DGKB: variants seen among roughly 807,000 people sequenced by gnomAD.
DGKB encodes the protein 90 kDa diacylglycerol kinase.
A neutral mutation model predicts 114.3 loss-of-function variants in DGKB; 67 were observed. The ratio of observed to expected loss-of-function variants is 0.59; its 90% CI spans 0.48 to 0.72. The LOEUF is 0.72. DGKB is among the 30% of genes least tolerant of loss of function. The probability of loss-of-function intolerance (pLI) is 0.00; values close to 1 mark genes in which losing one functional copy is unlikely to be tolerated. For missense variants in DGKB, 907 were observed against 975.2 expected, an observed-to-expected ratio of 0.93 and a Z score of 0.93; for synonymous variants, 398 against 323.1, an observed-to-expected ratio of 1.23 and a Z score of -2.49.
chr7:14,504,313 G>C (rs1039069208), intron 20 of DGKB, among the ~76,000 whole-genome samples: 3 of 152,110 alleles, frequency 2.0e-5, no homozygotes, highest in Non-Finnish European at 2.9e-5. Context: ...CAGCTGGCTT[G>C]GCTGTGCGCC....
chr7:14,609,790 T>C (rs1239640950), intron 16 of DGKB, among the ~76,000 whole-genome samples: 1 of 151,916 alleles, frequency 6.6e-6, no homozygotes, highest in African/African-American at 2.4e-5. Flanking sequence ...TCACTAATAA[T>C]CATGGAAATG....
At chr7:14,707,569 T>TAAA (rs764079621) in intron 6 of DGKB, among the ~76,000 whole-genome samples, 2,508 of 92,348 alleles carry the variant, frequency 0.027, 176 homozygotes, top group Middle Eastern at 0.073. Flanking sequence ...AAATCCTCAA[T>TAAA]AAAATACTGG....
intron 1 of DGKB, among the ~76,000 whole-genome samples, chr7:14,926,858 A>G (rs1203973801): frequency 1.3e-5 from 2 of 151,948 alleles, no homozygotes; most frequent in East Asian, 1.9e-4. Flanking sequence ...AAAATTTACC[A>G]TGGAAATCCT....
At chr7:14,910,326 T>C (rs1783938691) in intron 1 of DGKB, among the ~76,000 whole-genome samples, 1 of 149,148 alleles carries the variant, frequency 6.7e-6, no homozygotes, top group South Asian at 2.2e-4. Flanking sequence ...ACCTTATATA[T>C]TAGGAGAAGG....
At chr7:14,548,602 T>G (rs577410104) in intron 20 of DGKB, among the ~76,000 whole-genome samples, 1 of 152,120 alleles carries the variant, frequency 6.6e-6, no homozygotes, top group Non-Finnish European at 1.5e-5. Flanking sequence ...AAAAGCATCT[T>G]AGAAACTACA....
chr7:14,585,011 G>A (rs111561902), intron 17 of DGKB, among the ~76,000 whole-genome samples: 3,816 of 151,856 alleles, frequency 0.025, 174 homozygotes, highest in African/African-American at 0.088. Context: ...AGCAATCTTC[G>A]CATTTAAATT....
chr7:14,929,753 T>C (rs1213167130), intron 1 of DGKB, among the ~76,000 whole-genome samples: 1 of 152,186 alleles, frequency 6.6e-6, no homozygotes, highest in African/African-American at 2.4e-5. Context: ...ATTTTTGTTG[T>C]TGTTGCCTAT....
At chr7:14,974,735 C>A (rs1223278229) in exon 1 of DGKB, 1 of 152,118 alleles carries the variant, frequency 6.6e-6, no homozygotes, top group Non-Finnish European at 1.5e-5. Context: ...CTTCATCCAA[C>A]TGTGATTCAA....
In DGKB at chr7:14,198,870, C is replaced by T. The variant is rs186542039; in HGVS notation, c.2123-20719G>A. 2.8e-4 allele frequency among the ~76,000 whole-genome samples: 43 copies of T among 152,002 alleles called. No homozygotes were observed. In the East Asian group the frequency reaches 5.8e-3, roughly 21 times the overall value. On this transcript the variant is annotated intron_variant, in intron 23 of 25. Transcript: ENST00000402815. ...ATAGGGGGAACCTGGAAGGACAGGG[C>T]GAACTGTGCAGAAATATTTAAATAA...
chr7:14,767,502 A>G (rs1258562336), intron 2 of DGKB, among the ~76,000 whole-genome samples: 1 of 151,940 alleles, frequency 6.6e-6, no homozygotes, highest in South Asian at 2.1e-4. Context: ...CATCTGTGCC[A>G]TCAGGCTTAA....
intron 1 of DGKB, among the ~76,000 whole-genome samples, chr7:14,890,427 C>T (rs1202136986): frequency 6.6e-6 from 1 of 151,314 alleles, no homozygotes; most frequent in African/African-American, 2.4e-5. Context: ...TCTAACATGC[C>T]TTCGCTTATC....
Position 14,685,323 on chromosome 7 carries a change from G to A in DGKB, c.751C>T (p.His251Tyr), listed in dbSNP as rs1821494465. The A allele has an allele frequency of 6.2e-7, 1 of 1,613,710 alleles. No homozygotes were observed. The highest frequency in any genetic ancestry group is 1.3e-5 in the African/African-American group (1 of 74,916). ...DDGQHVWRLK[H>Y]FNKPAYCNLC... ...TTGCAATAGGCAGGTTTGTTAAAGT[G>A]CTTCAGTCGCCACACGTGCTGTCCA... Residue 251 changes from histidine (H) to tyrosine (Y), a missense_variant, in exon 10 of 26, where the codon CAC becomes TAC. By Grantham distance (83) the His-to-Tyr change is moderately conservative. Around this residue, in one of 3 missense-constraint regions of DGKB, gnomAD observed 814 missense variants for 856.6 expected, o/e 0.95. Coordinates refer to ENST00000402815, the MANE Select transcript of DGKB (RefSeq NM_001350709.2).
At chr7:14,328,637 A>G (rs1458768025) in intron 23 of DGKB, among the ~76,000 whole-genome samples, 2 of 152,066 alleles carry the variant, frequency 1.3e-5, no homozygotes, top group Non-Finnish European at 2.9e-5. Flanking sequence ...TAATGGGAAC[A>G]GCTTTGTAAA....
intron 20 of DGKB, among the ~76,000 whole-genome samples, chr7:14,515,226 A>G (rs1157954959): frequency 6.6e-6 from 1 of 152,198 alleles, no homozygotes; most frequent in Non-Finnish European, 1.5e-5. Context: ...TGACATCAAT[A>G]TATTATTTCA....
At chr7:14,389,834 G>T (rs987772576) in intron 21 of DGKB, among the ~76,000 whole-genome samples, 3 of 152,084 alleles carry the variant, frequency 2.0e-5, no homozygotes, top group Non-Finnish European at 4.4e-5. Flanking sequence ...AACTCCTTTG[G>T]GACTAGCCTA....
At chr7:14,369,383 G>A (rs1391107200) in intron 21 of DGKB, among the ~76,000 whole-genome samples, 1 of 152,102 alleles carries the variant, frequency 6.6e-6, no homozygotes, top group Non-Finnish European at 1.5e-5. Flanking sequence ...ATAAACATAT[G>A]TGTGCATGTG....
At chr7:14,272,227 G>T (rs1289338252) in intron 23 of DGKB, among the ~76,000 whole-genome samples, 1 of 152,052 alleles carries the variant, frequency 6.6e-6, no homozygotes, top group Non-Finnish European at 1.5e-5. Flanking sequence ...AGTTAATGGT[G>T]TGTCAATTTA....
intron 2 of DGKB, among the ~76,000 whole-genome samples, chr7:14,832,653 C>A (rs1846584030): frequency 6.6e-6 from 1 of 152,052 alleles, no homozygotes; most frequent in Admixed American, 6.6e-5. Flanking sequence ...GGAATACTTT[C>A]AATCACTTAT....
intron 1 of DGKB, among the ~76,000 whole-genome samples, chr7:14,896,288 A>C (rs940200510): frequency 2.0e-5 from 3 of 151,770 alleles, no homozygotes; most frequent in Non-Finnish European, 4.4e-5. Flanking sequence ...AAGGGAGTTA[A>C]AATTTCTGAG....
Sources: allele counts gnomAD v4.1 joint callset (sites outside exome capture counted in the v4.1 genomes callset), GRCh38; gene constraint gnomAD v4.1.1; regional missense constraint gnomAD v4.1.1; transcripts MANE v1.5; gene names NCBI Gene and HGNC (gene_info 2026-07-23, HGNC 2026-07-21).